ENOX1: variants seen among roughly 807,000 people sequenced by gnomAD.
ENOX1 encodes the protein ecto-NOX disulfide-thiol exchanger 1, also known as candidate growth-related and time keeping constitutive hydroquinone (NADH) oxidase.
Under a neutral mutation model 82.5 loss-of-function variants are expected in ENOX1, and 42 were observed. The ratio of observed to expected loss-of-function variants is 0.51; its 90% CI spans 0.40 to 0.66. The LOEUF (loss-of-function observed/expected upper bound fraction) is 0.66, where lower values mean the gene tolerates loss of function less well. Among genes scored for constraint, ENOX1 ranks in the 30% least tolerant of loss-of-function variants. The pLI, the probability that ENOX1 is intolerant of heterozygous loss-of-function variation, is 0.00. For missense variants in ENOX1, 608 were observed against 811.6 expected (o/e 0.75, Z 3.05); for synonymous variants, 271 against 282.2 (o/e 0.96, Z 0.40).
At chr13:43,645,213 G>A (rs368362112) in intron 2 of ENOX1, among the ~76,000 whole-genome samples, 1 of 152,056 alleles carries the variant, frequency 6.6e-6, no homozygotes, top group Non-Finnish European at 1.5e-5. Context: ...AGACTAGCAC[G>A]GTGGCATAAT....
At chr13:43,681,594 A>T (rs1464099286) in intron 1 of ENOX1, among the ~76,000 whole-genome samples, 4 of 149,488 alleles carry the variant, frequency 2.7e-5, no homozygotes, top group African/African-American at 7.7e-5. Context: ...CTGAAATTAG[A>T]TTTCTCTATG....
chr13:43,364,546 G>A (rs2050726338), intron 5 of ENOX1, among the ~76,000 whole-genome samples: 1 of 150,406 alleles, frequency 6.6e-6, no homozygotes, highest in South Asian at 2.1e-4. Flanking sequence ...TGGACGAGAT[G>A]AAAACAAACA....
chr13:43,762,224 G>A (rs908571625), intron 1 of ENOX1, among the ~76,000 whole-genome samples: 4 of 152,184 alleles, frequency 2.6e-5, no homozygotes, highest in African/African-American at 9.7e-5. Context: ...GTAAACTACA[G>A]ATGTAGCCAC....
At chr13:43,442,151 C>G (rs1358080389) in intron 3 of ENOX1, among the ~76,000 whole-genome samples, 2 of 152,128 alleles carry the variant, frequency 1.3e-5, no homozygotes, top group Non-Finnish European at 2.9e-5. Context: ...CTTCACAGCC[C>G]CCAGATTAGC....
intron 1 of ENOX1, among the ~76,000 whole-genome samples, chr13:43,775,672 T>C (rs1951875528): frequency 6.6e-6 from 1 of 152,204 alleles, no homozygotes; most frequent in African/African-American, 2.4e-5. Context: ...TTGTTCTTAA[T>C]TGAGGCTCCA....
At chr13:43,522,553 A>C (rs1021567292) in intron 2 of ENOX1, among the ~76,000 whole-genome samples, 1 of 152,270 alleles carries the variant, frequency 6.6e-6, no homozygotes, top group Middle Eastern at 3.4e-3. Context: ...AAGGTCTCGC[A>C]ACGCCTTGTC....
chr13:43,259,493 C>T (rs2043933926), intron 14 of ENOX1, among the ~76,000 whole-genome samples: 1 of 152,104 alleles, frequency 6.6e-6, no homozygotes, highest in African/African-American at 2.4e-5. Flanking sequence ...TTCTTTGAGA[C>T]AGAGTCTTGC....
chr13:43,732,762 A>C (rs554502540), intron 1 of ENOX1, among the ~76,000 whole-genome samples: 3 of 152,216 alleles, frequency 2.0e-5, no homozygotes. Context: ...TGGGTTCAAC[A>C]ATGCTGCCTA....
At chr13:43,443,657 G>A (rs2056477720) in intron 3 of ENOX1, among the ~76,000 whole-genome samples, 1 of 152,136 alleles carries the variant, frequency 6.6e-6, no homozygotes, top group African/African-American at 2.4e-5. Context: ...GTATATCCCG[G>A]TGGTGGGAAT....
intron 2 of ENOX1, among the ~76,000 whole-genome samples, chr13:43,522,143 T>C (rs191944931): frequency 3.9e-4 from 60 of 152,208 alleles, no homozygotes; most frequent in East Asian, 3.9e-4. Context: ...AAAAACTCTA[T>C]TTAAAAGTAG....
At chr13:43,632,648 T>C (rs1288242402) in intron 2 of ENOX1, among the ~76,000 whole-genome samples, 2 of 152,190 alleles carry the variant, frequency 1.3e-5, no homozygotes, top group Non-Finnish European at 2.9e-5. Flanking sequence ...AGTTTCACCA[T>C]GTTGGGTAGG....
Position 43,558,728 on chromosome 13 carries a change from T to C in ENOX1, c.-218-74576A>G, listed in dbSNP as rs185834494. On this transcript the variant is annotated intron_variant, in intron 2 of 16. Transcript: ENST00000690772. Reference sequence around the variant, plus strand: ...GAAAATGGATCCTTATGGTGAATTATAGATGAGAAATCAATGAAAGATACA... The same window carrying C: ...GAAAATGGATCCTTATGGTGAATTACAGATGAGAAATCAATGAAAGATACA... Among the ~76,000 whole-genome samples the C allele has an allele frequency of 4.6e-4, 70 of 152,318 alleles. 1 individual carries two copies. The highest frequency in any genetic ancestry group is 2.6e-3 in the Admixed American group (39 of 15,292).
intron 1 of ENOX1, among the ~76,000 whole-genome samples, chr13:43,782,603 C>T (rs889785001): frequency 1.3e-5 from 2 of 152,134 alleles, no homozygotes; most frequent in African/African-American, 2.4e-5. Context: ...ACTGTCACTA[C>T]ATTGTTTCTC....
At chr13:43,433,485 G>A (rs761211606) in intron 3 of ENOX1, among the ~76,000 whole-genome samples, 1 of 151,986 alleles carries the variant, frequency 6.6e-6, no homozygotes, top group African/African-American at 2.4e-5. Flanking sequence ...AGATATATGG[G>A]AAATTTCTGT....
At chr13:43,582,677 G>A (rs957510472) in intron 2 of ENOX1, among the ~76,000 whole-genome samples, 7 of 152,082 alleles carry the variant, frequency 4.6e-5, no homozygotes, top group African/African-American at 1.7e-4. Flanking sequence ...AGGCTCATGG[G>A]TTGCTCCCAC....
At chr13:43,329,510 T>C (rs2048306931) in intron 9 of ENOX1, among the ~76,000 whole-genome samples, 1 of 152,020 alleles carries the variant, frequency 6.6e-6, no homozygotes, top group Admixed American at 6.6e-5. Flanking sequence ...CGTATTGAGT[T>C]TGAGATGCCT....
At chr13:43,491,226 T>C (rs1307726210) in intron 2 of ENOX1, among the ~76,000 whole-genome samples, 1 of 152,044 alleles carries the variant, frequency 6.6e-6, no homozygotes, top group Non-Finnish European at 1.5e-5. Flanking sequence ...ATGGACTTAG[T>C]GAGAACTCAC....
At chr13:43,603,427 T>C (rs535066921) in intron 2 of ENOX1, among the ~76,000 whole-genome samples, 2 of 151,980 alleles carry the variant, frequency 1.3e-5, no homozygotes, top group East Asian at 3.9e-4. Context: ...AGGATACATG[T>C]ACACAATGTG....
chr13:43,298,032 ATCATGCAGGGATCTGCTAGGTATTTG>A (rs2046370127), intron 12 of ENOX1, among the ~76,000 whole-genome samples: 1 of 152,262 alleles, frequency 6.6e-6, no homozygotes, highest in Non-Finnish European at 1.5e-5. Context: ...AAATGCTTGT[ATCATGCAGGGATCTGCTAGGTATTTG>A]CCATGGGGCT....
Sources: allele counts gnomAD v4.1 joint callset (sites outside exome capture counted in the v4.1 genomes callset), GRCh38; gene constraint gnomAD v4.1.1; transcripts MANE v1.5; gene names NCBI Gene and HGNC (gene_info 2026-07-23, HGNC 2026-07-21).